The following FILIP1 variants were observed in gnomAD, a reference collection of about 807,000 sequenced individuals.
FILIP1 encodes filamin A interacting protein 1, also known as filamin-A-interacting protein 1.
FILIP1 carries 61 observed loss-of-function variants against 102.1 expected under a neutral mutation model. The observed-to-expected ratio is 0.60, with a 90% CI of 0.49 to 0.74. The LOEUF is 0.74. Among genes scored for constraint, FILIP1 ranks in the 30% least tolerant of loss-of-function variants. The pLI is 0.00. For missense variants in FILIP1, 1,314 were observed against 1,441.2 expected, an observed-to-expected ratio of 0.91 and a Z score of 1.43; for synonymous variants, 491 against 526.9, an observed-to-expected ratio of 0.93 and a Z score of 0.93.
In FILIP1 at chr6:75,353,710, C is replaced by A. The variant is rs1324457219; in HGVS notation, c.458G>T (p.Arg153Ile). 6.2e-7 allele frequency: 1 copy of A among 1,613,098 alleles called. No individual in the cohort carries two copies. Among genetic ancestry groups the A allele is most frequent in the South Asian group, 1.1e-5 (1 of 91,030 alleles). ...GGTTTCTTTCTGTTTTTCCTCAAGT[C>A]TGTCCAGCTGAATAAGCAAACATGG... is the stretch of plus-strand genomic sequence containing the variant. ...VYEKPISELD[R>I]LEEKQKETYR... is the part of the protein sequence containing the mutation. The change falls in exon 4 of 6, where the codon AGA becomes ATA. Residue 153 changes from arginine (R) to isoleucine (I), a missense_variant. Physicochemically the swap from Arg to Ile is moderately conservative, Grantham distance 97. Coordinates refer to ENST00000237172, the MANE Select transcript of FILIP1 (RefSeq NM_015687.5).
chr6:75,380,663 A>G (rs1775883217), intron 2 of FILIP1, among the ~76,000 whole-genome samples: 1 of 152,298 alleles, frequency 6.6e-6, no homozygotes, highest in South Asian at 2.1e-4. Context: ...GTTTAATAGT[A>G]AAAAATGGGA....
rs192352597 is a variant in FILIP1, at chr6:75,327,457, A to G, written c.630-12255T>C. Among the ~76,000 whole-genome samples, 16 of 152,044 alleles carry G rather than the reference A, an allele frequency of 1.1e-4. No homozygotes were observed. In the East Asian group the frequency reaches 1.2e-3, roughly 11 times the overall value. On this transcript the variant is annotated intron_variant, in intron 4 of 5. Coordinates refer to ENST00000237172, the MANE Select transcript of FILIP1 (RefSeq NM_015687.5). ...AATCAGATCATGTCACTCTGCTTGT[A>G]AAAGGAAGGAGAAACGGGAAAGTGA...
intron 4 of FILIP1, among the ~76,000 whole-genome samples, chr6:75,320,759 C>T (rs970182404): frequency 6.6e-6 from 1 of 152,162 alleles, no homozygotes; most frequent in African/African-American, 2.4e-5. Context: ...GTCTAATGAG[C>T]AATGGCCTCC....
chr6:75,399,879 C>A (rs912110193), intron 2 of FILIP1, among the ~76,000 whole-genome samples: 3 of 152,064 alleles, frequency 2.0e-5, no homozygotes, highest in Admixed American at 6.6e-5. Flanking sequence ...TCAAAGTAAC[C>A]TGAAGAGTAT....
rs988648167 is a variant in FILIP1, at chr6:75,296,010, A to C, written c.3494-60T>G. 9.5e-6 allele frequency: 11 copies of C among 1,162,250 alleles called. No homozygotes were observed. The South Asian group carries it at 2.1e-4, about 23-fold the overall frequency. The allele number at this position is 1,162,250 out of a possible 1,614,324, so 72.0% of individuals were successfully genotyped here. On this transcript the variant is annotated intron_variant, in intron 6 of 6. Coordinates refer to the FILIP1 transcript ENST00000393004. The stretch of plus-strand genomic sequence containing the variant: ...AAACTGAAACTGAGAATCAAGCTAC[A>C]TCATTTCACTAAAAGATCATAGATG...
intron 4 of FILIP1, among the ~76,000 whole-genome samples, chr6:75,342,956 C>T (rs895716189): frequency 6.6e-6 from 1 of 152,190 alleles, no homozygotes; most frequent in African/African-American, 2.4e-5. Context: ...TTGCCTTTCT[C>T]TTCGACAAAG....
At chr6:75,414,087 G>A (rs541545977) in intron 2 of FILIP1, among the ~76,000 whole-genome samples, 2 of 148,548 alleles carry the variant, frequency 1.3e-5, no homozygotes, top group African/African-American at 2.5e-5. Flanking sequence ...GTGATCATAC[G>A]AGATAGTGGA....
At chr6:75,403,514 C>CAA (rs766214016) in intron 2 of FILIP1, among the ~76,000 whole-genome samples, 60 of 28,624 alleles carry the variant, frequency 2.1e-3, no homozygotes, top group African/African-American at 7.0e-3. Flanking sequence ...CTCTGTCCCA[C>CAA]AAAAAAAAAA....
intron 1 of FILIP1, among the ~76,000 whole-genome samples, chr6:75,426,782 C>T (rs1001596022): frequency 6.6e-6 from 1 of 152,026 alleles, no homozygotes; most frequent in East Asian, 1.9e-4. Flanking sequence ...AGGATACAGG[C>T]AGGATGGGCT....
chr6:75,325,674 A>G (rs1165168206), intron 4 of FILIP1, among the ~76,000 whole-genome samples: 1 of 152,198 alleles, frequency 6.6e-6, no homozygotes, highest in Non-Finnish European at 1.5e-5. Context: ...AAAATGCAAA[A>G]TCAAAGCCAC....
chr6:75,390,504 G>A (rs1335616972), intron 2 of FILIP1, among the ~76,000 whole-genome samples: 3 of 152,096 alleles, frequency 2.0e-5, no homozygotes, highest in African/African-American at 4.8e-5. Context: ...TCCAATCATG[G>A]CAGAAAGCAA....
chr6:75,466,181 G>A (rs1779161542), intron 1 of FILIP1, among the ~76,000 whole-genome samples: 1 of 152,106 alleles, frequency 6.6e-6, no homozygotes, highest in Non-Finnish European at 1.5e-5. Context: ...CAGCACTTCT[G>A]ATTCCCCTTA....
intron 1 of FILIP1, among the ~76,000 whole-genome samples, chr6:75,453,248 C>T (rs1314984778): frequency 1.3e-5 from 2 of 152,174 alleles, no homozygotes; most frequent in Admixed American, 6.5e-5. Context: ...GTATTTCCAC[C>T]TGTACCCACT....
chr6:75,370,028 A>T lies in FILIP1; in HGVS notation c.277-7111T>A, dbSNP rs373756806. ...AAAAGCTGTTGACTTTAAATGATAG[A>T]TCCATTTTGAGGAAAGGACAAATCC... On this transcript the variant is annotated intron_variant, in intron 2 of 5. Coordinates refer to ENST00000237172, the MANE Select transcript of FILIP1 (RefSeq NM_015687.5). Among the ~76,000 whole-genome samples, 31 of 152,310 alleles carry T rather than the reference A, an allele frequency of 2.0e-4. No homozygotes were observed. The South Asian group carries it at 5.8e-3, about 28-fold the overall frequency.
intron 1 of FILIP1, among the ~76,000 whole-genome samples, chr6:75,424,151 G>A (rs1231245137): frequency 1.3e-5 from 2 of 152,136 alleles, no homozygotes; most frequent in Non-Finnish European, 2.9e-5. Flanking sequence ...GCCTGAGCTA[G>A]AACACAGGTC....
chr6:75,490,371 C>T (rs1349194777), intron 1 of FILIP1, among the ~76,000 whole-genome samples: 3 of 152,028 alleles, frequency 2.0e-5, no homozygotes, highest in African/African-American at 2.4e-5. Flanking sequence ...CCTGCTTTAT[C>T]TCACTCAATA....
At chr6:75,454,023 A>G (rs1352912261) in intron 1 of FILIP1, 1 of 456,502 alleles carries the variant, frequency 2.2e-6, no homozygotes, top group Non-Finnish European at 4.4e-6. Flanking sequence ...TTATTATCTC[A>G]CAGTTTCTGC....
At chr6:75,318,525 C>G (rs1283002599) in intron 4 of FILIP1, among the ~76,000 whole-genome samples, 2 of 152,082 alleles carry the variant, frequency 1.3e-5, no homozygotes, top group Non-Finnish European at 2.9e-5. Context: ...TGTGAGCCAT[C>G]ATGCCTGGCC....
At chr6:75,322,985 T>C (rs1333272676) in intron 4 of FILIP1, among the ~76,000 whole-genome samples, 1 of 152,246 alleles carries the variant, frequency 6.6e-6, no homozygotes, top group African/African-American at 2.4e-5. Context: ...TGAGCCACTA[T>C]GGCCAGCCAA....
Sources: gnomAD v4.1 joint callset for allele counts (sites outside exome capture counted in the v4.1 genomes callset) on GRCh38, gnomAD v4.1.1 for gene constraint, MANE v1.5 for transcripts, NCBI Gene and HGNC (gene_info 2026-07-23, HGNC 2026-07-21) for gene names.